CPEB3: variants seen among roughly 807,000 people sequenced by gnomAD.
The protein encoded by CPEB3 is cytoplasmic polyadenylation element binding protein 3.
CPEB3 carries 20 observed loss-of-function variants against 67.2 expected under a neutral mutation model. The ratio of observed to expected loss-of-function variants is 0.30; its 90% CI spans 0.21 to 0.43. The LOEUF (loss-of-function observed/expected upper bound fraction) is 0.43, where lower values mean the gene tolerates loss of function less well. Among genes scored for constraint, CPEB3 ranks in the 20% least tolerant of loss-of-function variants. The pLI is 1.00. For synonymous variants in CPEB3, 376 were observed against 393.1 expected (o/e 0.96, Z 0.51); for missense variants, 746 against 968.6 (o/e 0.77, Z 3.05).
intron 1 of CPEB3, among the ~76,000 whole-genome samples, chr10:92,281,549 A>G (rs548213814): frequency 6.6e-6 from 1 of 152,248 alleles, no homozygotes; most frequent in South Asian, 2.1e-4. Context: ...TTTGATTGTC[A>G]GTCTCTCTTT....
chr10:92,133,435 C>T (rs570553030), intron 6 of CPEB3, among the ~76,000 whole-genome samples: 7 of 152,278 alleles, frequency 4.6e-5, no homozygotes, highest in African/African-American at 1.7e-4. Flanking sequence ...TGGGTAAATT[C>T]CTGGACACAT....
intron 6 of CPEB3, among the ~76,000 whole-genome samples, chr10:92,119,339 G>C (rs950013028): frequency 6.6e-6 from 1 of 152,164 alleles, no homozygotes; most frequent in Non-Finnish European, 1.5e-5. Context: ...GTGGAAAAGG[G>C]TCTAGTTTTC....
At chr10:92,199,725 G>C (rs940444820) in intron 2 of CPEB3, among the ~76,000 whole-genome samples, 1 of 148,280 alleles carries the variant, frequency 6.7e-6, no homozygotes, top group Non-Finnish European at 1.5e-5. Flanking sequence ...AAAACTAGCT[G>C]CTTCTAAATT....
At chr10:92,224,745 C>A (rs772467201) in intron 2 of CPEB3, among the ~76,000 whole-genome samples, 13 of 151,734 alleles carry the variant, frequency 8.6e-5, no homozygotes, top group Non-Finnish European at 1.8e-4. Context: ...ACCAGGAAGG[C>A]TGAGGCAGGA....
chr10:92,063,502 C>T (rs563808431), intron 9 of CPEB3, among the ~76,000 whole-genome samples: 12 of 152,304 alleles, frequency 7.9e-5, no homozygotes, highest in Non-Finnish European at 1.5e-4. Flanking sequence ...CAGTGGCTCA[C>T]GCCTGTAATC....
chr10:92,177,445 GC>G (rs903888457), intron 4 of CPEB3, among the ~76,000 whole-genome samples: 4 of 152,190 alleles, frequency 2.6e-5, no homozygotes, highest in Non-Finnish European at 4.4e-5. Context: ...TTTGAGAAAG[GC>G]CAAAATTTGG....
At chr10:92,095,809 A>G (rs532935787) in intron 7 of CPEB3, among the ~76,000 whole-genome samples, 4 of 151,852 alleles carry the variant, frequency 2.6e-5, no homozygotes, top group South Asian at 4.2e-4. Context: ...TTTCCTCTCT[A>G]TATACAAAAC....
intron 3 of CPEB3, 105 bp from the exon 4 acceptor site, chr10:92,181,124 A>G (rs916115091): frequency 1.4e-5 from 9 of 639,272 alleles, no homozygotes; most frequent in African/African-American, 3.7e-5. Flanking sequence ...TTAATCTATA[A>G]CAATGCTATC....
chr10:92,224,558 G>A (rs1850868565), intron 2 of CPEB3, among the ~76,000 whole-genome samples: 1 of 151,354 alleles, frequency 6.6e-6, no homozygotes, highest in Non-Finnish European at 1.5e-5. Flanking sequence ...TAGTCCCTCT[G>A]CTGAAAAAAA....
At chr10:92,185,463 T>A (rs1158733996) in intron 3 of CPEB3, among the ~76,000 whole-genome samples, 1 of 152,106 alleles carries the variant, frequency 6.6e-6, no homozygotes, top group Non-Finnish European at 1.5e-5. Flanking sequence ...CATTCATATT[T>A]AAAACACTAG....
At chr10:92,073,609 A>T (rs192120092) in intron 9 of CPEB3, among the ~76,000 whole-genome samples, 69 of 151,096 alleles carry the variant, frequency 4.6e-4, no homozygotes, top group East Asian at 3.3e-3. Flanking sequence ...TGGCTAATTT[A>T]AAAAAAAAAT....
intron 7 of CPEB3, among the ~76,000 whole-genome samples, chr10:92,107,686 T>C (rs1411356885): frequency 6.6e-6 from 1 of 151,864 alleles, no homozygotes; most frequent in Non-Finnish European, 1.5e-5. Context: ...CTGGGATACC[T>C]GAGCTATGAA....
chr10:92,071,803 G>T (rs1309727643), intron 9 of CPEB3, among the ~76,000 whole-genome samples: 1 of 151,226 alleles, frequency 6.6e-6, no homozygotes, highest in East Asian at 1.9e-4. Context: ...CCACATAAAA[G>T]AATTACCCAT....
chr10:92,222,925 AC>A (rs1564882524), intron 2 of CPEB3, among the ~76,000 whole-genome samples: 1 of 152,324 alleles, frequency 6.6e-6, no homozygotes, highest in East Asian at 1.9e-4. Context: ...CTTTGCTAAG[AC>A]CTTATTAATG....
At chr10:92,090,262 T>C (rs1843558293) in intron 8 of CPEB3, among the ~76,000 whole-genome samples, 1 of 152,206 alleles carries the variant, frequency 6.6e-6, no homozygotes, top group Non-Finnish European at 1.5e-5. Context: ...AATTTGTGGC[T>C]GGGCGTGGTG....
At chr10:92,243,346 G>A (rs759625280) in intron 1 of CPEB3, 6 of 152,164 alleles carry the variant, frequency 3.9e-5, no homozygotes, top group Non-Finnish European at 7.3e-5. Flanking sequence ...TACTCGATCT[G>A]ACTTCAGCAC....
intron 4 of CPEB3, among the ~76,000 whole-genome samples, chr10:92,174,175 T>C (rs941223204): frequency 2.0e-5 from 3 of 152,228 alleles, no homozygotes; most frequent in Non-Finnish European, 2.9e-5. Context: ...CATCAGGTGC[T>C]CAGCTCCCTC....
intron 1 of CPEB3, among the ~76,000 whole-genome samples, chr10:92,273,677 C>T (rs1265416403): frequency 6.6e-6 from 1 of 152,150 alleles, no homozygotes; most frequent in East Asian, 1.9e-4. Context: ...TTTCACTTCA[C>T]ACCTATCAGA....
intron 7 of CPEB3, among the ~76,000 whole-genome samples, chr10:92,094,066 G>C (rs2133325455): frequency 1.3e-5 from 2 of 151,870 alleles, no homozygotes; most frequent in African/African-American, 4.8e-5. Context: ...TGTTGGCCAG[G>C]GTGGTCTCAA....
Sources: gnomAD v4.1 joint callset for allele counts (sites outside exome capture counted in the v4.1 genomes callset) on GRCh38, gnomAD v4.1.1 for gene constraint, MANE v1.5 for transcripts, NCBI Gene and HGNC (gene_info 2026-07-23, HGNC 2026-07-21) for gene names.